The following CHST11 variants were observed in gnomAD, a reference collection of about 807,000 sequenced individuals.
The protein encoded by CHST11 is C4S-1.
CHST11 carries 9 observed loss-of-function variants against 30.4 expected under a neutral mutation model. The ratio of observed to expected loss-of-function variants is 0.30; its 90% CI spans 0.18 to 0.52. The LOEUF is 0.52. CHST11 is among the 20% of genes least tolerant of loss of function. CHST11 has a pLI of 0.97. For synonymous variants in CHST11, 152 were observed against 187.8 expected, an observed-to-expected ratio of 0.81 and a Z score of 1.56; for missense variants, 348 against 460.6, an observed-to-expected ratio of 0.76 and a Z score of 2.24.
At chr12:104,635,836 C>T (rs1192004699) in intron 2 of CHST11, among the ~76,000 whole-genome samples, 1 of 152,110 alleles carries the variant, frequency 6.6e-6, no homozygotes, top group Non-Finnish European at 1.5e-5. Flanking sequence ...CACCAGACCC[C>T]AGTATGTACA....
Position 104,457,368 on chromosome 12 carries a change from G to A in CHST11, c.-44G>A, listed in dbSNP as rs1396184707. On this transcript the variant is annotated 5_prime_UTR_variant, in exon 1 of 3. Coordinates refer to ENST00000303694, the MANE Select transcript of CHST11 (RefSeq NM_018413.6). ...CGGGGTCCCTGCTCCTGCGCCCCGG[G>A]CGCGCTTCCCGGACACCCCGGTCCC... The A allele has an allele frequency of 2.7e-6, 4 of 1,469,462 alleles. No individual in the cohort carries two copies. The highest frequency in any genetic ancestry group is 3.8e-6 in the Non-Finnish European group (4 of 1,054,432). 91.0% of individuals were successfully genotyped at this position (1,469,462 alleles called of 1,614,324 possible).
At chr12:104,670,654 T>TACAC (rs796294940) in intron 2 of CHST11, among the ~76,000 whole-genome samples, 10,581 of 143,768 alleles carry the variant, frequency 0.074, 651 homozygotes, top group East Asian at 0.31. Context: ...CTCCCACACA[T>TACAC]ACCCACACAC....
intron 1 of CHST11, among the ~76,000 whole-genome samples, chr12:104,577,717 C>T (rs1274982194): frequency 6.6e-6 from 1 of 152,152 alleles, no homozygotes; most frequent in Non-Finnish European, 1.5e-5. Context: ...TCCAAATTTT[C>T]CTCCTATGTG....
intron 2 of CHST11, among the ~76,000 whole-genome samples, chr12:104,671,419 G>C (rs912482553): frequency 6.6e-6 from 1 of 152,122 alleles, no homozygotes; most frequent in African/African-American, 2.4e-5. Context: ...AAGAATATTC[G>C]ATGAGGAGAG....
intron 2 of CHST11, among the ~76,000 whole-genome samples, chr12:104,723,591 G>A (rs1269996003): frequency 6.6e-6 from 1 of 152,188 alleles, no homozygotes; most frequent in African/African-American, 2.4e-5. Flanking sequence ...TAGGGTCTTT[G>A]GCATAGAGAG....
chr12:104,578,000 C>T (rs1208335357), intron 1 of CHST11, among the ~76,000 whole-genome samples: 1 of 152,160 alleles, frequency 6.6e-6, no homozygotes, highest in Non-Finnish European at 1.5e-5. Flanking sequence ...GGGAAGTCCA[C>T]AAAAGCCAGC....
chr12:104,560,912 G>T (rs1165036166), intron 1 of CHST11, among the ~76,000 whole-genome samples: 1 of 152,136 alleles, frequency 6.6e-6, no homozygotes, highest in Non-Finnish European at 1.5e-5. Context: ...ACATTGCTGT[G>T]GTCAGCCATG....
At chr12:104,755,736 A>G (rs1224098633) in intron 2 of CHST11, among the ~76,000 whole-genome samples, 7 of 152,162 alleles carry the variant, frequency 4.6e-5, no homozygotes, top group African/African-American at 1.7e-4. Context: ...CAGTGAGCTG[A>G]GATCGCGCCA....
At chr12:104,536,401 G>C (rs2038237421) in intron 1 of CHST11, among the ~76,000 whole-genome samples, 1 of 152,208 alleles carries the variant, frequency 6.6e-6, no homozygotes, top group Non-Finnish European at 1.5e-5. Context: ...TGTGGTCATA[G>C]GACCAGCAGT....
intron 2 of CHST11, among the ~76,000 whole-genome samples, chr12:104,675,563 G>A (rs760198348): frequency 6.6e-6 from 1 of 152,168 alleles, no homozygotes; most frequent in African/African-American, 2.4e-5. Context: ...ACTAACAACC[G>A]CTGTTATGAG....
chr12:104,670,287 G>A (rs1288827186), intron 2 of CHST11, among the ~76,000 whole-genome samples: 1 of 152,136 alleles, frequency 6.6e-6, no homozygotes, highest in African/African-American at 2.4e-5. Flanking sequence ...TCAAAACCAA[G>A]GGGCTTCCCC....
At chr12:104,464,569 T>G (rs1378935661) in intron 1 of CHST11, among the ~76,000 whole-genome samples, 1 of 152,154 alleles carries the variant, frequency 6.6e-6, no homozygotes, top group African/African-American at 2.4e-5. Context: ...AGTGGTGAGA[T>G]CACGGCTCAC....
intron 1 of CHST11, among the ~76,000 whole-genome samples, chr12:104,538,406 A>T (rs979992628): frequency 2.0e-5 from 3 of 152,194 alleles, no homozygotes; most frequent in Admixed American, 1.3e-4. Flanking sequence ...ATCACTGTTG[A>T]TGTTGACCTT....
intron 2 of CHST11, among the ~76,000 whole-genome samples, chr12:104,645,483 C>T (rs574410074): frequency 6.6e-6 from 1 of 152,260 alleles, no homozygotes; most frequent in African/African-American, 2.4e-5. Context: ...GTTGGAAGCC[C>T]AGCTGGGCTT....
intron 2 of CHST11, among the ~76,000 whole-genome samples, chr12:104,690,235 G>C (rs1361443266): frequency 6.6e-6 from 1 of 152,214 alleles, no homozygotes; most frequent in Non-Finnish European, 1.5e-5. Flanking sequence ...TATTAAAGTG[G>C]AGTTGACGGA....
At chr12:104,465,730 A>G (rs539295076) in intron 1 of CHST11, among the ~76,000 whole-genome samples, 17 of 152,354 alleles carry the variant, frequency 1.1e-4, no homozygotes, top group South Asian at 6.2e-4. Flanking sequence ...ACTCAGAAGG[A>G]GGAGCCAGGT....
rs567896066 is a variant in CHST11, at chr12:104,496,214, G to C, written c.118+38685G>C. Among the ~76,000 whole-genome samples the C allele has an allele frequency of 1.7e-3, 259 of 152,308 alleles. 2 individuals carry two copies. The highest frequency in any genetic ancestry group is 2.9e-3 in the Admixed American group (44 of 15,304). On this transcript the variant is annotated intron_variant, in intron 1 of 2. Transcript: ENST00000303694. The stretch of plus-strand genomic sequence containing the variant: ...CAAATCTGTGTGTGTGTGTGGCAGT[G>C]GGGAGGAAGGTGTGTTGATGAGTTA...
At position 104,600,934 on chromosome 12, in the gene CHST11, C is replaced by G. The variant is rs560328615; in HGVS notation, c.119-972C>G. Among the ~76,000 whole-genome samples the G allele has an allele frequency of 3.8e-4, 57 of 148,758 alleles. 1 individual carries two copies. The highest frequency in any genetic ancestry group is 1.4e-3 in the African/African-American group (57 of 40,300). On this transcript the variant is annotated intron_variant, in intron 1 of 2. Coordinates refer to ENST00000303694, the MANE Select transcript of CHST11 (RefSeq NM_018413.6). The surrounding 1 kb of genome is among the most constrained non-coding windows in gnomAD (Gnocchi z 4.1). ...CTCGGCTTCCTTTTTTCCTTTCCTC[C>G]TTCCTTTCCTCCCTCTTTTCCTCTC...
intron 1 of CHST11, among the ~76,000 whole-genome samples, chr12:104,596,386 GCGGA>G (rs1262111614): frequency 6.6e-6 from 1 of 152,212 alleles, no homozygotes; most frequent in Non-Finnish European, 1.5e-5. Flanking sequence ...TGTTTTGCCA[GCGGA>G]AGGAGCAGAG....
Sources: gnomAD v4.1 joint callset for allele counts (sites outside exome capture counted in the v4.1 genomes callset) on GRCh38, gnomAD v4.1.1 for gene constraint, Gnocchi (gnomAD v3.1) non-coding constraint, MANE v1.5 for transcripts, NCBI Gene and HGNC (gene_info 2026-07-23, HGNC 2026-07-21) for gene names.